The following PKP2 variants were observed in gnomAD, a reference collection of about 807,000 sequenced individuals.
PKP2 encodes plakophilin-2.
In PKP2, 73 loss-of-function variants were observed where a neutral mutation model predicts 83.4. The observed-to-expected ratio is 0.88, with a 90% CI of 0.72 to 1.06. The LOEUF is 1.06. Ranked by LOEUF, PKP2 falls within the 50% of genes least tolerant of loss-of-function variation. The probability of loss-of-function intolerance (pLI) is 0.00; values close to 1 mark genes in which losing one functional copy is unlikely to be tolerated. For missense variants in PKP2, 966 were observed against 1,065.4 expected (o/e 0.91, Z 1.30); for synonymous variants, 409 against 430.4 (o/e 0.95, Z 0.62).
intron 4 of PKP2, among the ~76,000 whole-genome samples, chr12:32,861,460 T>C (rs935617001): frequency 6.6e-6 from 1 of 152,104 alleles, no homozygotes; most frequent in African/African-American, 2.4e-5. Flanking sequence ...TAATGGCATA[T>C]TAAACACATT....
rs1344260462 is a variant in PKP2 at position 32,878,277 on chromosome 12, C to G, written c.603G>C (p.Gly201=). 1 of 1,613,890 alleles carries G rather than the reference C, an allele frequency of 6.2e-7. No individual in the cohort carries two copies. Among genetic ancestry groups the G allele is most frequent in the African/African-American group, 1.3e-5 (1 of 74,914 alleles). Reference sequence around the variant, plus strand: ...TGCTTGTGGTGCCAGCACGGCTGACCCCCACGATCTCGGAACGAGCATATC... The same window carrying G: ...TGCTTGTGGTGCCAGCACGGCTGACGCCCACGATCTCGGAACGAGCATATC... The part of the protein sequence containing the change: ...PPRYARSEIV[G]VSRAGTTSRQ... The change falls in exon 3 of 13, where the codon GGG becomes GGC. Residue 201 remains glycine (G), a synonymous_variant. Transcript: ENST00000340811.
intron 4 of PKP2, among the ~76,000 whole-genome samples, chr12:32,852,836 C>A (rs537673890): frequency 6.6e-6 from 1 of 152,110 alleles, no homozygotes; most frequent in Non-Finnish European, 1.5e-5. Context: ...GTAATCCCAG[C>A]ACTTTGGGAG....
intron 4 of PKP2, among the ~76,000 whole-genome samples, chr12:32,867,065 C>T (rs1289386799): frequency 1.3e-5 from 2 of 152,178 alleles, no homozygotes; most frequent in East Asian, 1.9e-4. Flanking sequence ...TGGTGGCTCA[C>T]GCCTGTAACC....
At chr12:32,867,222 G>A (rs1171482715) in intron 4 of PKP2, among the ~76,000 whole-genome samples, 2 of 152,190 alleles carry the variant, frequency 1.3e-5, no homozygotes, top group East Asian at 3.8e-4. Flanking sequence ...CAGCTACCCA[G>A]GAGGCTGGGG....
intron 10 of PKP2, 74 bp downstream of exon 10, chr12:32,802,329 T>C (rs1209863104): frequency 7.0e-7 from 1 of 1,436,686 alleles, no homozygotes; most frequent in Non-Finnish European, 9.8e-7. Flanking sequence ...GAACGGGAGG[T>C]GATACAGACA....
At chr12:32,841,291 A>T in intron 5 of PKP2, 86 bp from the exon 6 acceptor site, 1 of 1,128,676 alleles carries the variant, frequency 8.9e-7, no homozygotes, top group Non-Finnish European at 1.3e-6. Context: ...CATCAACTCC[A>T]GGGCTATGAC....
intron 6 of PKP2, among the ~76,000 whole-genome samples, chr12:32,835,789 G>C (rs1245554572): frequency 6.6e-6 from 1 of 152,138 alleles, no homozygotes; most frequent in Non-Finnish European, 1.5e-5. Context: ...TGGGGGAGGG[G>C]GAGATGTCTG....
At chr12:32,812,178 G>C (rs1437361741) in intron 9 of PKP2, among the ~76,000 whole-genome samples, 1 of 134,410 alleles carries the variant, frequency 7.4e-6, no homozygotes, top group Non-Finnish European at 1.6e-5. Context: ...CCTGCGTTTT[G>C]ACTGTGACTC....
intron 6 of PKP2, among the ~76,000 whole-genome samples, chr12:32,840,779 C>T (rs528877656): frequency 3.9e-5 from 6 of 152,000 alleles, no homozygotes; most frequent in Non-Finnish European, 5.9e-5. Context: ...CTGTGTAGGC[C>T]GGGCACGGTG....
rs1167315851 is a variant in PKP2, at chr12:32,896,653, T to G, written c.79A>C (p.Ser27Arg). Residue 27 changes from serine to arginine, a missense_variant, in exon 1 of 13, where the codon AGC becomes CGC. Transcript: ENST00000340811. ...LGQQILGQLD[S>R]SSLALPSEAK... Reference sequence around the variant, plus strand: ...TCGGAGGGCAGCGCCAGGCTGGAGCTGTCCAGTTGTCCCAGGATCTGCTGG... The same window carrying G: ...TCGGAGGGCAGCGCCAGGCTGGAGCGGTCCAGTTGTCCCAGGATCTGCTGG... 2 of 1,565,080 alleles carry G rather than the reference T, an allele frequency of 1.3e-6. No individual in the cohort carries two copies. The highest frequency in any genetic ancestry group is 1.7e-6 in the Non-Finnish European group (2 of 1,164,858).
intron 9 of PKP2, among the ~76,000 whole-genome samples, chr12:32,817,840 G>A: frequency 6.6e-6 from 1 of 152,180 alleles, no homozygotes; most frequent in Non-Finnish European, 1.5e-5. Flanking sequence ...TGGACTGTTA[G>A]GAACCCGCCG....
chr12:32,799,607 A>G (rs1956161315), intron 10 of PKP2, among the ~76,000 whole-genome samples: 1 of 152,232 alleles, frequency 6.6e-6, no homozygotes. Context: ...TCAGCCATTA[A>G]AAAGAAAGAC....
At chr12:32,835,559 GAA>G (rs11318660) in intron 6 of PKP2, among the ~76,000 whole-genome samples, 19 of 151,854 alleles carry the variant, frequency 1.3e-4, no homozygotes, top group African/African-American at 4.6e-4. Flanking sequence ...AGAAAAAGAG[GAA>G]AAAAAAGAAA....
chr12:32,882,079 C>T (rs189335670), intron 1 of PKP2, among the ~76,000 whole-genome samples: 85 of 152,254 alleles, frequency 5.6e-4, no homozygotes, highest in African/African-American at 2.0e-3. Flanking sequence ...ACTATCCCCA[C>T]CCCCAATAAA....
intron 1 of PKP2, among the ~76,000 whole-genome samples, chr12:32,895,648 G>A (rs1297406685): frequency 6.6e-6 from 1 of 152,212 alleles, no homozygotes; most frequent in Non-Finnish European, 1.5e-5. Flanking sequence ...GACTTCAGCA[G>A]GGGAGAAAAG....
chr12:32,860,143 G>A (rs907763366), intron 4 of PKP2, among the ~76,000 whole-genome samples: 1 of 152,186 alleles, frequency 6.6e-6, no homozygotes, highest in Non-Finnish European at 1.5e-5. Context: ...GGGGCAGTGA[G>A]AGAAAACTTA....
intron 6 of PKP2, 49 bp downstream of exon 6, chr12:32,840,979 C>CCCAAGGAAGGATGCAA: frequency 6.9e-7 from 1 of 1,451,414 alleles, no homozygotes; most frequent in South Asian, 1.1e-5. Flanking sequence ...TTGGGGCTAC[C>CCCAAGGAAGGATGCAA]TAATTTTTTA....
At chr12:32,885,210 C>A (rs1035029721) in intron 1 of PKP2, among the ~76,000 whole-genome samples, 2 of 152,042 alleles carry the variant, frequency 1.3e-5, no homozygotes, top group African/African-American at 4.8e-5. Context: ...GAGGTGAAGC[C>A]GTCACAGGAC....
intron 8 of PKP2, chr12:32,821,805 A>G (rs1431292382): frequency 2.5e-6 from 1 of 401,382 alleles, no homozygotes; most frequent in Admixed American, 3.8e-5. Context: ...GTCATTCTAG[A>G]ATGGTTTTCA....
Sources: gnomAD v4.1 joint callset for allele counts (sites outside exome capture counted in the v4.1 genomes callset) on GRCh38, gnomAD v4.1.1 for gene constraint, MANE v1.5 for transcripts, NCBI Gene and HGNC (gene_info 2026-07-23, HGNC 2026-07-21) for gene names.